The following UNC79 variants were observed in gnomAD, a reference collection of about 807,000 sequenced individuals.
UNC79 encodes protein unc-79 homolog.
In UNC79, 37 loss-of-function variants were observed where a neutral mutation model predicts 283.1. The observed-to-expected ratio is 0.13, with a 90% CI of 0.10 to 0.17. UNC79 has a LOEUF of 0.17. UNC79 is among the 10% of genes least tolerant of loss of function. The pLI is 1.00. For missense variants in UNC79, 2,272 were observed against 3,211.1 expected, an observed-to-expected ratio of 0.71 and a Z score of 7.07; for synonymous variants, 1,107 against 1,200.2, an observed-to-expected ratio of 0.92 and a Z score of 1.61.
In UNC79 at chr14:93,474,063, C is replaced by CT. The variant is rs1020835512; in HGVS notation, c.144-18dup. On this transcript the variant is annotated intron_variant, in intron 2 of 48. Transcript: ENST00000555664. The surrounding 1 kb of genome is among the most constrained non-coding windows in gnomAD (Gnocchi z 4.1). ...GCTGTTCTTTGTGTCTTTGTTGTCT[C>CT]TTTTTTTTCTTTGTCCCCCCAACAG... 1.9e-5 allele frequency: 29 copies of CT among 1,505,562 alleles called. No individual in the cohort carries two copies. Among genetic ancestry groups the CT allele is most frequent in the African/African-American group, 4.2e-5 (3 of 71,694 alleles). The allele number at this position is 1,505,562 out of a possible 1,614,324, so 93.3% of individuals were successfully genotyped here.
At position 93,362,240 on chromosome 14, in the gene UNC79, G is replaced by T. The variant is rs568356755; in HGVS notation, c.-351+28717G>T. Reference sequence around the variant, plus strand: ...GGGGTGCTTCTTTGTCATTTTTTTTGAAATAGTTTCAGTAGGACTAGTACC... The same window carrying T: ...GGGGTGCTTCTTTGTCATTTTTTTTTAAATAGTTTCAGTAGGACTAGTACC... On this transcript the variant is annotated intron_variant, in intron 1 of 49. Coordinates refer to the UNC79 transcript ENST00000256339. 9.9e-5 allele frequency among the ~76,000 whole-genome samples: 15 copies of T among 152,152 alleles called. No homozygotes were observed. The South Asian group carries it at 1.7e-3, about 17-fold the overall frequency.
chr14:93,505,836 A>G (rs1245531581), intron 7 of UNC79, among the ~76,000 whole-genome samples: 1 of 151,648 alleles, frequency 6.6e-6, no homozygotes, highest in Non-Finnish European at 1.5e-5. Flanking sequence ...TCATTACCCT[A>G]GAGATTATAT....
chr14:93,652,961 G>T (rs2070455498), intron 35 of UNC79, among the ~76,000 whole-genome samples: 1 of 152,154 alleles, frequency 6.6e-6, no homozygotes, highest in Non-Finnish European at 1.5e-5. Flanking sequence ...TTTTCCTGAA[G>T]AATATTTTTG....
chr14:93,673,497 T>C, intron 41 of UNC79, 42 bp downstream of exon 44: 1 of 1,571,556 alleles, frequency 6.4e-7, no homozygotes, highest in Non-Finnish European at 8.7e-7. Flanking sequence ...ATGAGATCCA[T>C]GTATGTTTGG....
At chr14:93,349,716 A>G (rs2053944670) in intron 1 of UNC79, among the ~76,000 whole-genome samples, 1 of 152,212 alleles carries the variant, frequency 6.6e-6, no homozygotes, top group Non-Finnish European at 1.5e-5. Flanking sequence ...GTTTTCTCAC[A>G]CCAATTATTT....
intron 1 of UNC79, among the ~76,000 whole-genome samples, chr14:93,436,331 C>T (rs2056084280): frequency 6.6e-6 from 1 of 152,104 alleles, no homozygotes; most frequent in Admixed American, 6.5e-5. Flanking sequence ...TTTGCTAAAT[C>T]AAATGTTACA....
intron 41 of UNC79, among the ~76,000 whole-genome samples, chr14:93,679,362 G>C (rs2073636104): frequency 6.6e-6 from 1 of 152,194 alleles, no homozygotes; most frequent in African/African-American, 2.4e-5. Flanking sequence ...GGGAGGCTGA[G>C]GCAGGAGAAT....
At chr14:93,701,391 G>T (rs1432975851) in intron 47 of UNC79, among the ~76,000 whole-genome samples, 1 of 152,194 alleles carries the variant, frequency 6.6e-6, no homozygotes, top group African/African-American at 2.4e-5. Context: ...GAATAAGCAG[G>T]ATTGAAATGA....
Position 93,691,833 on chromosome 14 carries a change from G to A in UNC79, c.7357G>A (p.Ala2453Thr), listed in dbSNP as rs768569076. The A allele has an allele frequency of 6.8e-6, 11 of 1,613,994 alleles. No homozygotes were observed. Among genetic ancestry groups the A allele is most frequent in the East Asian group, 2.2e-5 (1 of 44,890 alleles). The change falls in exon 46 of 49, where the codon GCT becomes ACT. Residue 2453 changes from alanine to threonine, a missense_variant. By Grantham distance (58) the Ala-to-Thr change is moderately conservative. Coordinates refer to ENST00000555664, the Ensembl canonical transcript of UNC79. The stretch of plus-strand genomic sequence containing the variant: ...AGTTTATTGCGAGCAAAGTGCCGTC[G>A]CTACAAATCTCCAAAATCAGAATGA...
chr14:93,513,914 T>C (rs1252762213), intron 7 of UNC79, among the ~76,000 whole-genome samples: 5 of 152,206 alleles, frequency 3.3e-5, no homozygotes, highest in Non-Finnish European at 7.3e-5. Flanking sequence ...TATAGCATTA[T>C]CTTCAATATT....
intron 22 of UNC79, among the ~76,000 whole-genome samples, chr14:93,590,928 G>A (rs1044647333): frequency 4.6e-5 from 7 of 152,074 alleles, no homozygotes; most frequent in South Asian, 4.1e-4. Context: ...AAGCATCATC[G>A]TCCTTGTAAT....
At chr14:93,449,724 T>C (rs1235282752) in intron 1 of UNC79, among the ~76,000 whole-genome samples, 2 of 152,212 alleles carry the variant, frequency 1.3e-5, no homozygotes, top group African/African-American at 4.8e-5. Context: ...GGTTCATGCT[T>C]GCTCTTCAGT....
chr14:93,386,782 T>C (rs1177257834), intron 1 of UNC79, among the ~76,000 whole-genome samples: 1 of 152,092 alleles, frequency 6.6e-6, no homozygotes, highest in Non-Finnish European at 1.5e-5. Context: ...CTTTTTCATC[T>C]CCAATTTTAT....
At chr14:93,468,216 A>G (rs2057316476) in intron 2 of UNC79, among the ~76,000 whole-genome samples, 1 of 152,218 alleles carries the variant, frequency 6.6e-6, no homozygotes, top group Non-Finnish European at 1.5e-5. Flanking sequence ...CAGTGATAAT[A>G]GTTATTTTTA....
At chr14:93,578,122 C>G in intron 18 of UNC79, 59 bp downstream of exon 18, 2 of 1,488,248 alleles carry the variant, frequency 1.3e-6, no homozygotes, top group Non-Finnish European at 1.8e-6. Context: ...AAGCGTTGTA[C>G]AGCAATTCTT....
In UNC79 at chr14:93,706,691, C is replaced by G. The variant is rs750128390; in HGVS notation, c.7591-13C>G. ...AAAGAAATAAACTAAAACCTCTTGC[C>G]CTTTTTCGACAGCACTTATCTGCGG... On this transcript the variant is annotated splice_polypyrimidine_tract_variant and intron_variant, in intron 48 of 48. Coordinates refer to ENST00000555664, the Ensembl canonical transcript of UNC79. 3.1e-6 allele frequency: 5 copies of G among 1,613,790 alleles called. No individual in the cohort carries two copies. Among genetic ancestry groups the G allele is most frequent in the African/African-American group, 1.3e-5 (1 of 74,928 alleles).
chr14:93,524,781 T>A (rs1266065272), intron 8 of UNC79, among the ~76,000 whole-genome samples: 1 of 152,228 alleles, frequency 6.6e-6, no homozygotes, highest in Non-Finnish European at 1.5e-5. Flanking sequence ...TGAACCTGTG[T>A]CTGGATTTGC....
chr14:93,572,635 A>G (rs1322696348), intron 15 of UNC79, 58 bp from the exon 16 acceptor site: 3 of 1,602,776 alleles, frequency 1.9e-6, no homozygotes, highest in Admixed American at 1.7e-5. Context: ...CGGTGGTGGT[A>G]TTAGTAGAAC....
At chr14:93,650,143 T>C (rs2070088432) in intron 35 of UNC79, among the ~76,000 whole-genome samples, 2 of 152,200 alleles carry the variant, frequency 1.3e-5, no homozygotes, top group African/African-American at 2.4e-5. Flanking sequence ...TTGCTGCTTT[T>C]TTATCAGGAG....
Sources: gnomAD v4.1 joint callset for allele counts (sites outside exome capture counted in the v4.1 genomes callset) on GRCh38, gnomAD v4.1.1 for gene constraint, Gnocchi (gnomAD v3.1) non-coding constraint, MANE v1.5 for transcripts, NCBI Gene and HGNC (gene_info 2026-07-23, HGNC 2026-07-21) for gene names.